NTM: variants seen among roughly 807,000 people sequenced by gnomAD.
The protein encoded by NTM is IgLON family member 2.
Under a neutral mutation model 42.1 loss-of-function variants are expected in NTM, and 13 were observed. The ratio of observed to expected loss-of-function variants is 0.31; its 90% CI spans 0.20 to 0.49. NTM has a LOEUF of 0.49. Among genes scored for constraint, NTM ranks in the 20% least tolerant of loss-of-function variants. NTM has a pLI of 0.99. For missense variants in NTM, 373 were observed against 452.8 expected, an observed-to-expected ratio of 0.82 and a Z score of 1.60; for synonymous variants, 187 against 179.2, an observed-to-expected ratio of 1.04 and a Z score of -0.35.
At chr11:131,373,821 T>C (rs1469957360) in intron 1 of NTM, among the ~76,000 whole-genome samples, 1 of 152,074 alleles carries the variant, frequency 6.6e-6, no homozygotes, top group African/African-American at 2.4e-5. Context: ...TCCTCACCTC[T>C]CCTCACATCC....
intron 1 of NTM, among the ~76,000 whole-genome samples, chr11:131,527,717 G>C (rs1303032531): frequency 2.6e-5 from 4 of 152,160 alleles, no homozygotes; most frequent in African/African-American, 7.2e-5. Flanking sequence ...CAACGTTATG[G>C]GAGCATGCAC....
chr11:131,549,855 C>A (rs548255794), intron 1 of NTM, among the ~76,000 whole-genome samples: 1 of 152,318 alleles, frequency 6.6e-6, no homozygotes, highest in African/African-American at 2.4e-5. Context: ...CATCCTAACA[C>A]TTAGTTCCAT....
intron 1 of NTM, among the ~76,000 whole-genome samples, chr11:131,893,717 G>A (rs1336934717): frequency 6.6e-6 from 1 of 152,116 alleles, no homozygotes; most frequent in Admixed American, 6.5e-5. Flanking sequence ...AAAAAGTGAG[G>A]GCATCAAGGA....
intron 1 of NTM, among the ~76,000 whole-genome samples, chr11:131,880,319 A>C (rs972251095): frequency 1.3e-5 from 2 of 152,212 alleles, no homozygotes; most frequent in African/African-American, 2.4e-5. Context: ...TTCCACAGCA[A>C]ACAGACCTGG....
At chr11:131,929,348 T>C (rs1402810506) in intron 2 of NTM, among the ~76,000 whole-genome samples, 1 of 152,182 alleles carries the variant, frequency 6.6e-6, no homozygotes, top group Admixed American at 6.5e-5. Context: ...GGGCGGGGCC[T>C]GGTCCAAGCC....
At chr11:131,601,611 C>A (rs1382844386) in intron 1 of NTM, among the ~76,000 whole-genome samples, 2 of 151,648 alleles carry the variant, frequency 1.3e-5, no homozygotes, top group African/African-American at 4.8e-5. Context: ...AAGGCAGCCC[C>A]AGGAAGCCTG....
intron 3 of NTM, among the ~76,000 whole-genome samples, chr11:132,182,480 G>T (rs979199734): frequency 6.6e-6 from 1 of 152,128 alleles, no homozygotes; most frequent in African/African-American, 2.4e-5. Flanking sequence ...AATAATACCT[G>T]CCACACAGGG....
chr11:132,211,730 G>A, intron 3 of NTM: 1 of 267,952 alleles, frequency 3.7e-6, no homozygotes, highest in Non-Finnish European at 7.2e-6. Flanking sequence ...GGAGGTGGGT[G>A]GGGGTGAGTG....
intron 1 of NTM, among the ~76,000 whole-genome samples, chr11:131,478,559 T>C (rs1953205539): frequency 6.6e-6 from 1 of 152,016 alleles, no homozygotes; most frequent in Non-Finnish European, 1.5e-5. Flanking sequence ...AGGGTAGGAG[T>C]GTTTAGCAAC....
At chr11:131,922,367 G>A (rs116431780) in intron 2 of NTM, 1 of 152,278 alleles carries the variant, frequency 6.6e-6, no homozygotes, top group African/African-American at 2.4e-5. Flanking sequence ...CGCACATCCT[G>A]CTGCTCATCT....
chr11:131,642,578 G>A (rs545333693), intron 1 of NTM, among the ~76,000 whole-genome samples: 135 of 152,218 alleles, frequency 8.9e-4, no homozygotes, highest in African/African-American at 3.1e-3. Flanking sequence ...GGCTAACCAC[G>A]TTCCCTGGAG....
At chr11:131,888,308 C>CA (rs2050714298) in intron 1 of NTM, among the ~76,000 whole-genome samples, 2 of 152,024 alleles carry the variant, frequency 1.3e-5, no homozygotes, top group South Asian at 4.2e-4. Context: ...CTCAAAAAAA[C>CA]AAAAAAAGAA....
At chr11:131,588,784 C>T (rs528766948) in intron 1 of NTM, among the ~76,000 whole-genome samples, 1 of 152,326 alleles carries the variant, frequency 6.6e-6, no homozygotes, top group African/African-American at 2.4e-5. Context: ...CTTATGAAGA[C>T]ATTACATGTA....
At chr11:131,907,570 A>G (rs2054045956) in intron 1 of NTM, among the ~76,000 whole-genome samples, 1 of 152,226 alleles carries the variant, frequency 6.6e-6, no homozygotes, top group Non-Finnish European at 1.5e-5. Context: ...AGCTGTCAGC[A>G]CAGAGACAAG....
intron 1 of NTM, among the ~76,000 whole-genome samples, chr11:131,885,429 C>T (rs2050228698): frequency 6.6e-6 from 1 of 152,184 alleles, no homozygotes; most frequent in African/African-American, 2.4e-5. Context: ...TAAAAATGGC[C>T]TTTTGCATTT....
chr11:131,526,368 G>T (rs2050483350), intron 1 of NTM, among the ~76,000 whole-genome samples: 1 of 152,170 alleles, frequency 6.6e-6, no homozygotes, highest in Admixed American at 6.6e-5. Flanking sequence ...GACAGGTCAG[G>T]TGTGTGTTTC....
At chr11:131,745,026 C>T (rs768347128) in intron 1 of NTM, among the ~76,000 whole-genome samples, 1 of 152,182 alleles carries the variant, frequency 6.6e-6, no homozygotes, top group East Asian at 1.9e-4. Flanking sequence ...CAACTGGAGC[C>T]GCTTGTGGTG....
At chr11:132,052,933 T>G (rs1277903402) in intron 2 of NTM, among the ~76,000 whole-genome samples, 1 of 152,124 alleles carries the variant, frequency 6.6e-6, no homozygotes, top group African/African-American at 2.4e-5. Flanking sequence ...CACTCTAAAA[T>G]GGACCTAAAC....
At chr11:132,070,879 T>A (rs5027678) in intron 2 of NTM, among the ~76,000 whole-genome samples, 3,702 of 31,274 alleles carry the variant, frequency 0.12, no homozygotes, top group Middle Eastern at 0.19. Context: ...AACACGTCAC[T>A]CAGCCAAGTT....
Sources: allele counts gnomAD v4.1 joint callset (sites outside exome capture counted in the v4.1 genomes callset), GRCh38; gene constraint gnomAD v4.1.1; transcripts MANE v1.5; gene names NCBI Gene and HGNC (gene_info 2026-07-23, HGNC 2026-07-21).